The following CNTNAP5 variants were observed in gnomAD, a reference collection of about 807,000 sequenced individuals.
The protein encoded by CNTNAP5 is contactin associated protein family member 5, also known as contactin-associated protein-like 5.
Under a neutral mutation model 150.2 loss-of-function variants are expected in CNTNAP5, and 72 were observed. That is an observed-to-expected ratio of 0.48 (90% confidence interval 0.40 to 0.58). The LOEUF (loss-of-function observed/expected upper bound fraction) is 0.58, where lower values mean the gene tolerates loss of function less well. Ranked by LOEUF, CNTNAP5 falls within the 20% of genes least tolerant of loss-of-function variation. CNTNAP5 has a pLI of 0.00. For missense variants in CNTNAP5, 1,636 were observed against 1,626.2 expected (o/e 1.01, Z -0.10); for synonymous variants, 672 against 619.8 (o/e 1.08, Z -1.25).
intron 1 of CNTNAP5, among the ~76,000 whole-genome samples, chr2:124,189,783 C>T (rs1385078609): frequency 6.6e-6 from 1 of 152,100 alleles, no homozygotes; most frequent in Admixed American, 6.5e-5. Context: ...GCAGGGCTTC[C>T]AGGTTGGTAT....
chr2:124,127,039 A>G (rs1683722258), intron 1 of CNTNAP5, among the ~76,000 whole-genome samples: 1 of 152,172 alleles, frequency 6.6e-6, no homozygotes. Context: ...TATTCAACAT[A>G]CTGTTGGAAG....
chr2:124,030,234 G>A (rs1681007863), intron 1 of CNTNAP5, among the ~76,000 whole-genome samples: 1 of 152,012 alleles, frequency 6.6e-6, no homozygotes, highest in Non-Finnish European at 1.5e-5. Flanking sequence ...TTCTAACATT[G>A]TAAAGCAATT....
chr2:124,900,962 G>T lies in CNTNAP5; in HGVS notation c.3437-1920G>T, dbSNP rs573226961. On this transcript the variant is annotated intron_variant, in intron 21 of 23. Transcript: ENST00000682447. ...CATCTAGTCCATTAAAGTTTTTTGT[G>T]AGATGCTTTATGTGGGACACAGTCT... is the stretch of plus-strand genomic sequence containing the variant. Among the ~76,000 whole-genome samples, 123 of 151,652 alleles carry T rather than the reference G, an allele frequency of 8.1e-4. 3 individuals are homozygous for T. The highest frequency in any genetic ancestry group is 2.9e-3 in the African/African-American group (120 of 40,992).
At position 124,742,901 on chromosome 2, in the gene CNTNAP5, C is replaced by G. The variant is rs776918886; in HGVS notation, c.2078-4328C>G. 3.6e-4 allele frequency among the ~76,000 whole-genome samples: 55 copies of G among 152,068 alleles called. 1 individual carries two copies. Among genetic ancestry groups the G allele is most frequent in the Non-Finnish European group, 4.9e-4 (33 of 68,034 alleles). On this transcript the variant is annotated intron_variant, in intron 13 of 23. Transcript: ENST00000682447. ...TTAATCTTGGCTGTTTTGTGGAAGTCCTTGCGTTGCATGGCTGCTGAGGCT... is the reference window on the plus strand; with the variant it reads ...TTAATCTTGGCTGTTTTGTGGAAGTGCTTGCGTTGCATGGCTGCTGAGGCT...
chr2:124,412,537 G>A, intron 3 of CNTNAP5, among the ~76,000 whole-genome samples: 1 of 151,758 alleles, frequency 6.6e-6, no homozygotes, highest in Non-Finnish European at 1.5e-5. Context: ...CAGAGATATA[G>A]ATCAATGGAA....
At chr2:124,200,982 T>A (rs2104709279) in intron 1 of CNTNAP5, among the ~76,000 whole-genome samples, 1 of 152,360 alleles carries the variant, frequency 6.6e-6, no homozygotes, top group South Asian at 2.1e-4. Context: ...ATGTCAATAT[T>A]TCTCTGGGGA....
intron 3 of CNTNAP5, among the ~76,000 whole-genome samples, chr2:124,332,079 T>C (rs892191106): frequency 3.3e-5 from 5 of 151,786 alleles, no homozygotes; most frequent in African/African-American, 1.2e-4. Context: ...ATTTTACAAC[T>C]TTTTTAAACA....
At chr2:124,031,740 C>T (rs1188111637) in intron 1 of CNTNAP5, among the ~76,000 whole-genome samples, 1 of 152,064 alleles carries the variant, frequency 6.6e-6, no homozygotes, top group African/African-American at 2.4e-5. Context: ...AAAAAAAATA[C>T]ATAATCACAT....
In CNTNAP5 at chr2:124,418,744, A is replaced by G. The variant is rs564378721; in HGVS notation, c.529+1154A>G. Among the ~76,000 whole-genome samples the G allele has an allele frequency of 3.9e-5, 6 of 152,322 alleles. No individual in the cohort carries two copies. The South Asian group carries it at 1.0e-3, about 26-fold the overall frequency. ...TTGTATGATAAAGCACAGAACACCT[A>G]CAAGGGTATATGTGTCCTATCCTGG... is the stretch of plus-strand genomic sequence containing the variant. On this transcript the variant is annotated intron_variant, in intron 4 of 23. Transcript: ENST00000682447.
chr2:124,653,022 C>A (rs1192686705), intron 13 of CNTNAP5, among the ~76,000 whole-genome samples: 1 of 152,164 alleles, frequency 6.6e-6, no homozygotes, highest in Non-Finnish European at 1.5e-5. Context: ...ATTTGCGGAG[C>A]AAATCAGTCA....
At chr2:124,437,935 G>A (rs991760799) in intron 5 of CNTNAP5, among the ~76,000 whole-genome samples, 3 of 152,164 alleles carry the variant, frequency 2.0e-5, no homozygotes, top group African/African-American at 7.2e-5. Flanking sequence ...CATCTGCAAT[G>A]TTTATTCATT....
At chr2:124,435,980 A>G (rs954349448) in intron 5 of CNTNAP5, among the ~76,000 whole-genome samples, 1 of 152,208 alleles carries the variant, frequency 6.6e-6, no homozygotes, top group African/African-American at 2.4e-5. Context: ...CATTGGTTGT[A>G]ATTACCATAA....
intron 3 of CNTNAP5, among the ~76,000 whole-genome samples, chr2:124,258,942 G>T (rs1687382941): frequency 6.6e-6 from 1 of 151,780 alleles, no homozygotes; most frequent in African/African-American, 2.4e-5. Context: ...GTACCATGTT[G>T]GTGTGCTGCT....
chr2:124,506,381 G>A (rs1050245570), intron 8 of CNTNAP5, among the ~76,000 whole-genome samples: 2 of 152,114 alleles, frequency 1.3e-5, no homozygotes, highest in Non-Finnish European at 2.9e-5. Context: ...TGGGTGCCTT[G>A]AGCTCAGGGG....
intron 13 of CNTNAP5, among the ~76,000 whole-genome samples, chr2:124,681,488 C>G (rs1679068133): frequency 6.6e-6 from 1 of 152,024 alleles, no homozygotes; most frequent in African/African-American, 2.4e-5. Flanking sequence ...TGAATTAATT[C>G]TGTCTATTCT....
intron 3 of CNTNAP5, among the ~76,000 whole-genome samples, chr2:124,383,483 T>C (rs1354724952): frequency 3.3e-5 from 5 of 152,194 alleles, no homozygotes; most frequent in African/African-American, 9.7e-5. Context: ...CCCAAACTAC[T>C]TACATCATTG....
chr2:124,386,764 C>A (rs1305315214), intron 3 of CNTNAP5, among the ~76,000 whole-genome samples: 1 of 152,118 alleles, frequency 6.6e-6, no homozygotes, highest in Non-Finnish European at 1.5e-5. Context: ...TGATCATGCT[C>A]TGTAGGTTCT....
chr2:124,704,705 G>T (rs1348519449), intron 13 of CNTNAP5, among the ~76,000 whole-genome samples: 2 of 152,130 alleles, frequency 1.3e-5, no homozygotes, highest in African/African-American at 4.8e-5. Flanking sequence ...CCTGGTTACA[G>T]TGGTCTTTGC....
Position 124,361,561 on chromosome 2 carries a change from C to A in CNTNAP5, c.382-55882C>A, listed in dbSNP as rs916886622. ...CCTCAGCTGCAGGTCTGTTGGAATA[C>A]CCTGCCTTGTGAGGTGTCAGTGTGC... On this transcript the variant is annotated intron_variant, in intron 3 of 23. Coordinates refer to ENST00000682447, the MANE Select transcript of CNTNAP5 (RefSeq NM_001367498.1). 3.8e-3 allele frequency among the ~76,000 whole-genome samples: 549 copies of A among 145,402 alleles called. 13 individuals are homozygous for A. Among genetic ancestry groups the A allele is most frequent in the African/African-American group, 0.014 (528 of 38,186 alleles).
Sources: allele counts gnomAD v4.1 joint callset (sites outside exome capture counted in the v4.1 genomes callset), GRCh38; gene constraint gnomAD v4.1.1; transcripts MANE v1.5; gene names NCBI Gene and HGNC (gene_info 2026-07-23, HGNC 2026-07-21).